The following CARF variants were observed in gnomAD, a reference collection of about 807,000 sequenced individuals.
CARF encodes the protein calcium responsive transcription factor, also known as calcium-responsive transcription factor.
CARF carries 57 observed loss-of-function variants against 82.0 expected under a neutral mutation model. That is an observed-to-expected ratio of 0.70 (90% CI 0.56 to 0.87). CARF has a LOEUF of 0.87. CARF is among the 40% of genes least tolerant of loss of function. The pLI is 0.00. For missense variants in CARF, 771 were observed against 855.8 expected (o/e 0.90, Z 1.24); for synonymous variants, 268 against 290.1 (o/e 0.92, Z 0.77).
At chr2:202,917,362 G>T (rs1689932535) in intron 1 of CARF, among the ~76,000 whole-genome samples, 1 of 151,982 alleles carries the variant, frequency 6.6e-6, no homozygotes, top group Non-Finnish European at 1.5e-5. Flanking sequence ...TAATGCTTTA[G>T]TGTGTTTTCT....
At chr2:202,936,025 T>C (rs752360783) in intron 3 of CARF, among the ~76,000 whole-genome samples, 1 of 151,912 alleles carries the variant, frequency 6.6e-6, no homozygotes, top group Non-Finnish European at 1.5e-5. Flanking sequence ...GATCTCAGGC[T>C]GGTCTTGAAC....
In CARF at chr2:202,985,578, G is replaced by C. The variant is rs908758955; in HGVS notation, c.*1954G>C. On this transcript the variant is annotated 3_prime_UTR_variant, in exon 17 of 17. Coordinates refer to ENST00000438828, the MANE Select transcript of CARF (RefSeq NM_024744.17). ...ATTATGTTACACTAAGTTAAACACAGCACTTAATTACCTCAAATCCAGATT... is the reference window on the plus strand; with the variant it reads ...ATTATGTTACACTAAGTTAAACACACCACTTAATTACCTCAAATCCAGATT... 2.4e-4 allele frequency: 37 copies of C among 152,092 alleles called. No homozygotes were observed. The highest frequency in any genetic ancestry group is 8.7e-4 in the African/African-American group (36 of 41,424). 9.4% of individuals were successfully genotyped at this position (152,092 alleles called of 1,614,324 possible).
chr2:202,935,367 G>A (rs1016883700), intron 3 of CARF, among the ~76,000 whole-genome samples: 13 of 148,078 alleles, frequency 8.8e-5, no homozygotes, highest in African/African-American at 2.7e-4. Flanking sequence ...AATGAAGCCA[G>A]TGTACAATTA....
At chr2:202,977,206 C>A (rs1158137181) in intron 13 of CARF, 63 bp from the exon 14 acceptor site, 17 of 1,171,072 alleles carry the variant, frequency 1.5e-5, no homozygotes, top group Non-Finnish European at 2.0e-5. Context: ...GTCGTAATGA[C>A]GTCTTAAGAT....
At chr2:202,930,968 C>CTTT (rs1007407230) in intron 3 of CARF, among the ~76,000 whole-genome samples, 94 of 103,168 alleles carry the variant, frequency 9.1e-4, no homozygotes, top group Non-Finnish European at 1.2e-3. Flanking sequence ...TTTTTCTTTT[C>CTTT]TTTTTTTTTT....
intron 6 of CARF, among the ~76,000 whole-genome samples, chr2:202,953,142 C>CCTGAGTAGCA (rs1435472097): frequency 6.6e-6 from 1 of 152,018 alleles, no homozygotes; most frequent in Non-Finnish European, 1.5e-5. Context: ...GCCTCAGCCT[C>CCTGAGTAGCA]CTGAGTAGCA....
chr2:202,937,269 A>G (rs983077569), intron 3 of CARF, among the ~76,000 whole-genome samples: 1 of 152,158 alleles, frequency 6.6e-6, no homozygotes, highest in African/African-American at 2.4e-5. Context: ...CTGTAGAGTT[A>G]CATGCATTTT....
intron 3 of CARF, chr2:202,925,455 C>T (rs1371735186): frequency 3.6e-6 from 1 of 280,526 alleles, no homozygotes; most frequent in Admixed American, 3.9e-5. Context: ...TCACCAGCTG[C>T]AGCTGAGCTG....
chr2:202,954,255 A>T, intron 7 of CARF, 121 bp downstream of exon 7: 1 of 1,155,066 alleles, frequency 8.7e-7, no homozygotes. Flanking sequence ...ACTATCATTG[A>T]ATATATCTTT....
Position 202,986,911 on chromosome 2 carries a change from AAC to A in CARF, c.*3288_*3289del, listed in dbSNP as rs2060471216. On this transcript the variant is annotated 3_prime_UTR_variant, in exon 17 of 17. Coordinates refer to ENST00000438828, the MANE Select transcript of CARF (RefSeq NM_024744.17). ...ATATATATATATATATATATATAGC[AAC>A]TTGATGTATAGTGTCCTTGTTACCA... is the stretch of plus-strand genomic sequence containing the variant. The A allele has an allele frequency of 2.3e-5, 1 of 43,534 alleles. No individual in the cohort carries two copies. Among genetic ancestry groups the A allele is most frequent in the African/African-American group, 5.8e-5 (1 of 17,322 alleles). 2.7% of individuals were successfully genotyped at this position (43,534 alleles called of 1,614,324 possible).
intron 8 of CARF, among the ~76,000 whole-genome samples, chr2:202,959,341 C>T (rs886428653): frequency 5.9e-5 from 9 of 152,112 alleles, no homozygotes; most frequent in African/African-American, 9.7e-5. Flanking sequence ...ACTATTATAA[C>T]GAAAAGTACA....
chr2:202,928,281 C>T (rs750512781), intron 3 of CARF, among the ~76,000 whole-genome samples: 20 of 152,132 alleles, frequency 1.3e-4, no homozygotes, highest in African/African-American at 2.2e-4. Context: ...AGCCCATCTA[C>T]GTTGCTGTGA....
intron 2 of CARF, among the ~76,000 whole-genome samples, chr2:202,923,923 A>G (rs1156477367): frequency 6.6e-6 from 1 of 152,238 alleles, no homozygotes; most frequent in Non-Finnish European, 1.5e-5. Context: ...GGCTAGCCAC[A>G]TGTAGGAGAA....
intron 5 of CARF, among the ~76,000 whole-genome samples, chr2:202,945,701 C>G (rs1044992176): frequency 6.6e-6 from 1 of 152,144 alleles, no homozygotes; most frequent in Non-Finnish European, 1.5e-5. Context: ...TTTTCTTTAT[C>G]TAATCTGTCA....
rs189470591 is a variant in CARF, at chr2:202,942,105, G to A, written c.78+125G>A. 2.8e-4 allele frequency: 193 copies of A among 685,518 alleles called. 2 individuals are homozygous for A. The East Asian group carries it at 5.5e-3, about 19-fold the overall frequency. The allele number at this position is 685,518 out of a possible 1,614,324, so 42.5% of individuals were successfully genotyped here. A position where few individuals can be genotyped will look rare whatever the true frequency, so the allele number is the denominator to read the frequency against. Reference sequence around the variant, plus strand: ...TCAAGAATTTTGAGCTGGGCGTGGTGGCTGACACCTGTGATCCCAGCACTT... The same window carrying A: ...TCAAGAATTTTGAGCTGGGCGTGGTAGCTGACACCTGTGATCCCAGCACTT... On this transcript the variant is annotated intron_variant, in intron 4 of 16. Transcript: ENST00000438828.
At chr2:202,938,632 G>C (rs1346262009) in intron 3 of CARF, among the ~76,000 whole-genome samples, 1 of 127,390 alleles carries the variant, frequency 7.8e-6, no homozygotes, top group Non-Finnish European at 1.7e-5. Context: ...GAAAAAAAAT[G>C]GGGGGTTTTG....
intron 13 of CARF, among the ~76,000 whole-genome samples, chr2:202,975,996 G>C (rs2060008400): frequency 6.6e-6 from 1 of 152,014 alleles, no homozygotes; most frequent in South Asian, 2.1e-4. Context: ...AGTGAGCCAT[G>C]ATCATGCCGT....
At chr2:202,982,576 GAGA>G (rs1223586825) in intron 16 of CARF, 135 bp downstream of exon 16, 13 of 873,446 alleles carry the variant, frequency 1.5e-5, no homozygotes, top group African/African-American at 8.9e-5. Context: ...AATTATGAGA[GAGA>G]AGGAGGAGAT....
rs1451914484 is a variant in CARF, at chr2:202,985,501, G to A, written c.*1877G>A. 8 of 152,026 alleles carry A rather than the reference G, an allele frequency of 5.3e-5. No individual in the cohort carries two copies. Among genetic ancestry groups the A allele is most frequent in the Admixed American group, 5.2e-4 (8 of 15,258 alleles). 9.4% of individuals were successfully genotyped at this position (152,026 alleles called of 1,614,324 possible). A position where few individuals can be genotyped will look rare whatever the true frequency, so the allele number is the denominator to read the frequency against. On this transcript the variant is annotated 3_prime_UTR_variant, in exon 17 of 17. Transcript: ENST00000438828. ...TAAAAATTACTTTACTTTTTCCTAT[G>A]AATTTAAAACATTTGATGTTGGCAT...
Sources: allele counts gnomAD v4.1 joint callset (sites outside exome capture counted in the v4.1 genomes callset), GRCh38; gene constraint gnomAD v4.1.1; transcripts MANE v1.5; gene names NCBI Gene and HGNC (gene_info 2026-07-23, HGNC 2026-07-21).